Variants in MTA3 observed in about 807,000 individuals in gnomAD.
The protein encoded by MTA3 is metastasis associated 1 family member 3.
Under a neutral mutation model 83.5 loss-of-function variants are expected in MTA3, and 34 were observed. The ratio of observed to expected loss-of-function variants is 0.41; its 90% CI spans 0.31 to 0.54. The LOEUF is 0.54. Ranked by LOEUF, MTA3 falls within the 20% of genes least tolerant of loss-of-function variation. MTA3 has a pLI of 0.33. For missense variants in MTA3, 761 were observed against 726.4 expected, an observed-to-expected ratio of 1.05 and a Z score of -0.55; for synonymous variants, 303 against 252.7, an observed-to-expected ratio of 1.20 and a Z score of -1.89.
chr2:42,561,393 G>A (rs1677669143), intron 2 of MTA3, among the ~76,000 whole-genome samples: 1 of 151,620 alleles, frequency 6.6e-6, no homozygotes, highest in Non-Finnish European at 1.5e-5. Flanking sequence ...CACAATCTTG[G>A]CTCACTGCAA....
At position 42,755,900 on chromosome 2, in the gene MTA3, C is replaced by G; in HGVS notation, c.*2501C>G. On this transcript the variant is annotated 3_prime_UTR_variant, in exon 17 of 17. Coordinates refer to ENST00000405094, the MANE Select transcript of MTA3 (RefSeq NM_001330442.2). ...CTGGCTCAGTCATCGCCTGCCCACC[C>G]TTCACTTCTTAAAGGTGCGCAAGAG... 1.0e-6 allele frequency: 1 copy of G among 985,588 alleles called. No homozygotes were observed. Among genetic ancestry groups the G allele is most frequent in the Non-Finnish European group, 1.2e-6 (1 of 830,036 alleles). The allele number at this position is 985,588 out of a possible 1,614,324, so 61.1% of individuals were successfully genotyped here.
chr2:42,752,521 A>G (rs909021549), intron 16 of MTA3, among the ~76,000 whole-genome samples: 1 of 152,126 alleles, frequency 6.6e-6, no homozygotes, highest in Non-Finnish European at 1.5e-5. Flanking sequence ...TCTCTGCTGT[A>G]GTCTCCAGAT....
chr2:42,725,263 G>C (rs1339692443), intron 16 of MTA3, among the ~76,000 whole-genome samples: 1 of 152,192 alleles, frequency 6.6e-6, no homozygotes, highest in Non-Finnish European at 1.5e-5. Flanking sequence ...GAAGGTGATT[G>C]AGAAAAATGA....
At chr2:42,657,062 A>G (rs1689237143) in intron 7 of MTA3, among the ~76,000 whole-genome samples, 1 of 152,186 alleles carries the variant, frequency 6.6e-6, no homozygotes, top group African/African-American at 2.4e-5. Flanking sequence ...TTAAATGGGT[A>G]TATATAGTAT....
chr2:42,740,260 C>T (rs1027027397), intron 16 of MTA3, among the ~76,000 whole-genome samples: 6 of 152,218 alleles, frequency 3.9e-5, no homozygotes, highest in Non-Finnish European at 7.3e-5. Flanking sequence ...CCTGTAGTCC[C>T]AGCACTTTGG....
intron 2 of MTA3, among the ~76,000 whole-genome samples, chr2:42,572,361 A>C (rs1678585744): frequency 6.6e-6 from 1 of 151,860 alleles, no homozygotes; most frequent in South Asian, 2.1e-4. Flanking sequence ...AGGCCTCAGG[A>C]TCCTTTGAGT....
At chr2:42,660,275 G>T (rs1689561889) in intron 8 of MTA3, among the ~76,000 whole-genome samples, 1 of 152,030 alleles carries the variant, frequency 6.6e-6, no homozygotes, top group African/African-American at 2.4e-5. Context: ...TTTTGGTAGA[G>T]ACGGGGTTTC....
intron 2 of MTA3, among the ~76,000 whole-genome samples, chr2:42,503,616 C>T (rs1397707821): frequency 1.3e-5 from 2 of 152,180 alleles, no homozygotes; most frequent in African/African-American, 2.4e-5. Flanking sequence ...TAGCTAGGTG[C>T]CTGGAATTTA....
At chr2:42,521,751 C>CTTTTTTTTTTTT (rs35664371) in intron 2 of MTA3, among the ~76,000 whole-genome samples, 1 of 106,398 alleles carries the variant, frequency 9.4e-6, no homozygotes, top group African/African-American at 3.7e-5. Context: ...ATCTTTCTCT[C>CTTTTTTTTTTTT]TTTTTTTTTT....
chr2:42,576,409 G>C (rs1250440250), intron 2 of MTA3, among the ~76,000 whole-genome samples: 1 of 152,196 alleles, frequency 6.6e-6, no homozygotes, highest in Non-Finnish European at 1.5e-5. Context: ...GGGAAGATCA[G>C]AGGTGAAATT....
chr2:42,610,982 CTTTT>C (rs773889459), intron 4 of MTA3, among the ~76,000 whole-genome samples: 2 of 135,992 alleles, frequency 1.5e-5, no homozygotes, highest in Admixed American at 7.5e-5. Context: ...CTTTTCTTTT[CTTTT>C]TTTTTTTTTT....
intron 2 of MTA3, among the ~76,000 whole-genome samples, chr2:42,498,692 G>C (rs370651201): frequency 1.3e-5 from 2 of 152,186 alleles, no homozygotes; most frequent in East Asian, 3.8e-4. Context: ...CTTGTGTGCT[G>C]CCTCTGTAAG....
chr2:42,673,998 A>G (rs890465686), intron 8 of MTA3, among the ~76,000 whole-genome samples: 39 of 152,134 alleles, frequency 2.6e-4, no homozygotes, highest in Admixed American at 2.5e-3. Context: ...TTTCTGATAC[A>G]CTCATCTGCA....
chr2:42,586,457 C>T (rs1348775529), intron 3 of MTA3, among the ~76,000 whole-genome samples: 6 of 121,344 alleles, frequency 4.9e-5, no homozygotes, highest in African/African-American at 1.6e-4. Context: ...TTCAAGAAAC[C>T]GGTACAAAGA....
intron 16 of MTA3, among the ~76,000 whole-genome samples, chr2:42,729,186 C>T (rs1267768225): frequency 2.8e-5 from 4 of 141,028 alleles, no homozygotes; most frequent in East Asian, 2.2e-4. Context: ...CTCTACCTTC[C>T]GGGGGGTTCA....
intron 9 of MTA3, among the ~76,000 whole-genome samples, 198 bp from the exon 10 acceptor site, chr2:42,695,567 G>A (rs1202863278): frequency 1.2e-4 from 17 of 146,712 alleles, no homozygotes; most frequent in South Asian, 2.2e-4. Context: ...CCCAGGAAGC[G>A]GAGGTTGCTG....
At chr2:42,659,349 A>G (rs945679624) in intron 7 of MTA3, among the ~76,000 whole-genome samples, 4 of 151,938 alleles carry the variant, frequency 2.6e-5, no homozygotes, top group African/African-American at 4.8e-5. Flanking sequence ...ATATTGGGGG[A>G]AAAATGTAAC....
At chr2:42,671,572 T>G (rs1329651501) in intron 8 of MTA3, among the ~76,000 whole-genome samples, 1 of 152,234 alleles carries the variant, frequency 6.6e-6, no homozygotes, top group Non-Finnish European at 1.5e-5. Context: ...CATACAAGAT[T>G]GTGAATGTCC....
intron 2 of MTA3, among the ~76,000 whole-genome samples, chr2:42,536,679 G>C (rs935348721): frequency 6.6e-6 from 1 of 151,908 alleles, no homozygotes; most frequent in Non-Finnish European, 1.5e-5. Flanking sequence ...CTAACACGGT[G>C]AAACCCCGTC....
Sources: allele counts gnomAD v4.1 joint callset (sites outside exome capture counted in the v4.1 genomes callset), GRCh38; gene constraint gnomAD v4.1.1; transcripts MANE v1.5; gene names NCBI Gene and HGNC (gene_info 2026-07-23, HGNC 2026-07-21).